Variants in TMEM163 observed in about 807,000 individuals in gnomAD.
The protein encoded by TMEM163 is transmembrane protein 163.
Under a neutral mutation model 29.3 loss-of-function variants are expected in TMEM163, and 17 were observed. The observed-to-expected ratio is 0.58, with a 90% CI of 0.40 to 0.87. TMEM163 has a LOEUF of 0.87. TMEM163 is among the 40% of genes least tolerant of loss of function. The pLI is 0.00. For missense variants in TMEM163, 303 were observed against 381.5 expected, an observed-to-expected ratio of 0.79 and a Z score of 1.71; for synonymous variants, 157 against 160.6, an observed-to-expected ratio of 0.98 and a Z score of 0.17.
At chr2:134,493,241 T>C (rs1403215100) in intron 5 of TMEM163, among the ~76,000 whole-genome samples, 1 of 151,848 alleles carries the variant, frequency 6.6e-6, no homozygotes, top group African/African-American at 2.4e-5. Flanking sequence ...CTTTGTCTGA[T>C]ATATATATAT....
At chr2:134,545,310 A>T (rs1680755527) in intron 4 of TMEM163, among the ~76,000 whole-genome samples, 1 of 151,944 alleles carries the variant, frequency 6.6e-6, no homozygotes, top group African/African-American at 2.4e-5. Flanking sequence ...CTACCCTCCC[A>T]GTCTCCACAT....
At chr2:134,584,653 A>AT (rs201205641) in intron 2 of TMEM163, among the ~76,000 whole-genome samples, 1,712 of 151,874 alleles carry the variant, frequency 0.011, 46 homozygotes, top group African/African-American at 0.039. Flanking sequence ...AAAAAAAAAA[A>AT]AGTACAAAGG....
At chr2:134,706,015 G>A (rs1356628882) in intron 2 of TMEM163, among the ~76,000 whole-genome samples, 2 of 152,178 alleles carry the variant, frequency 1.3e-5, no homozygotes, top group African/African-American at 4.8e-5. Context: ...ATTAAACGCT[G>A]TGTGAAGAAG....
At chr2:134,625,315 T>C (rs1682824484) in intron 2 of TMEM163, among the ~76,000 whole-genome samples, 1 of 152,216 alleles carries the variant, frequency 6.6e-6, no homozygotes, top group Admixed American at 6.5e-5. Flanking sequence ...TACACATGGA[T>C]TGCCAAAGTA....
intron 5 of TMEM163, among the ~76,000 whole-genome samples, chr2:134,476,462 A>G (rs975524258): frequency 1.2e-4 from 18 of 152,232 alleles, no homozygotes; most frequent in African/African-American, 4.3e-4. Flanking sequence ...TATTGTATGT[A>G]CATTATATCT....
At chr2:134,599,924 C>CAT (rs1198206893) in intron 2 of TMEM163, among the ~76,000 whole-genome samples, 2 of 151,028 alleles carry the variant, frequency 1.3e-5, no homozygotes, top group African/African-American at 4.9e-5. Context: ...TACCTACACA[C>CAT]ATATATACAC....
chr2:134,551,060 G>A (rs1382135277), intron 3 of TMEM163, among the ~76,000 whole-genome samples: 1 of 152,198 alleles, frequency 6.6e-6, no homozygotes, highest in East Asian at 1.9e-4. Context: ...ATTCTATCTG[G>A]GGTCCAGGGC....
rs575691702 is a variant in TMEM163 at position 134,541,418 on chromosome 2, A to G, written c.458+9152T>C. Among the ~76,000 whole-genome samples the G allele has an allele frequency of 5.3e-5, 8 of 152,360 alleles. No homozygotes were observed. The South Asian group carries it at 1.4e-3, about 28-fold the overall frequency. ...TGACCTTTTTGGAGCACGGCTCGAC[A>G]CTGGTCGTCAAAATTATGTAAGCAT... On this transcript the variant is annotated intron_variant, in intron 4 of 7. Coordinates refer to ENST00000281924, the MANE Select transcript of TMEM163 (RefSeq NM_030923.5).
intron 2 of TMEM163, among the ~76,000 whole-genome samples, chr2:134,662,016 C>T (rs1683765694): frequency 6.9e-6 from 1 of 145,354 alleles, no homozygotes; most frequent in African/African-American, 2.6e-5. Flanking sequence ...ACTGTAAGCT[C>T]CACCTCCCGG....
chr2:134,456,463 T>TTA lies in TMEM163; in HGVS notation c.*252_*253insTA. 1 of 523,094 alleles carries TTA rather than the reference T, an allele frequency of 1.9e-6. No individual in the cohort carries two copies. The highest frequency in any genetic ancestry group is 3.5e-6 in the Non-Finnish European group (1 of 289,246). 32.4% of individuals were successfully genotyped at this position (523,094 alleles called of 1,614,324 possible). The stretch of plus-strand genomic sequence containing the variant: ...ATGAGAACCATCATACTCCAGAGAC[T>TTA]AAAAAACGCCAGTCCCAGCTGGAGA... On this transcript the variant is annotated 3_prime_UTR_variant, in exon 8 of 8. Coordinates refer to ENST00000281924, the MANE Select transcript of TMEM163 (RefSeq NM_030923.5).
chr2:134,474,817 T>A (rs2106477505), intron 5 of TMEM163, among the ~76,000 whole-genome samples: 1 of 152,274 alleles, frequency 6.6e-6, no homozygotes, highest in South Asian at 2.1e-4. Flanking sequence ...ACCTGTGCAC[T>A]GAAAACTACA....
At chr2:134,521,143 C>T (rs150747549) in intron 4 of TMEM163, among the ~76,000 whole-genome samples, 5,366 of 152,144 alleles carry the variant, frequency 0.035, 344 homozygotes, top group African/African-American at 0.12. Flanking sequence ...GGACTGCAGG[C>T]GCATGCCACC....
At chr2:134,697,118 G>C (rs1432472805) in intron 2 of TMEM163, among the ~76,000 whole-genome samples, 1 of 152,066 alleles carries the variant, frequency 6.6e-6, no homozygotes, top group Non-Finnish European at 1.5e-5. Flanking sequence ...GCTCTATATT[G>C]ACTATAATAT....
At chr2:134,691,959 A>T (rs1467892469) in intron 2 of TMEM163, among the ~76,000 whole-genome samples, 1 of 152,232 alleles carries the variant, frequency 6.6e-6, no homozygotes, top group Non-Finnish European at 1.5e-5. Context: ...ATATCTTTGC[A>T]GATGTGATTA....
At chr2:134,592,873 T>G (rs755039341) in intron 2 of TMEM163, among the ~76,000 whole-genome samples, 4 of 151,836 alleles carry the variant, frequency 2.6e-5, no homozygotes, top group Non-Finnish European at 4.4e-5. Flanking sequence ...AATATAGAGA[T>G]AGATAGATAG....
intron 4 of TMEM163, among the ~76,000 whole-genome samples, chr2:134,524,418 GT>G (rs1680250013): frequency 7.3e-6 from 1 of 137,012 alleles, no homozygotes; most frequent in East Asian, 2.6e-4. Context: ...GGACGTGCAA[GT>G]TTGTTACATA....
intron 5 of TMEM163, among the ~76,000 whole-genome samples, chr2:134,475,997 T>C (rs1686904411): frequency 6.6e-6 from 1 of 152,220 alleles, no homozygotes; most frequent in Non-Finnish European, 1.5e-5. Context: ...AATGAAGGCA[T>C]ACGTCCACAC....
chr2:134,633,430 C>A (rs41496051), intron 2 of TMEM163, among the ~76,000 whole-genome samples: 2,373 of 152,178 alleles, frequency 0.016, 51 homozygotes, highest in African/African-American at 0.054. Flanking sequence ...AGCAGAAACC[C>A]TGAGGCGAGA....
intron 4 of TMEM163, among the ~76,000 whole-genome samples, chr2:134,513,410 T>C (rs1283288911): frequency 6.6e-6 from 1 of 152,148 alleles, no homozygotes; most frequent in Non-Finnish European, 1.5e-5. Flanking sequence ...AAGTAGATTC[T>C]TTCCCCCTCC....
Sources: gnomAD v4.1 joint callset for allele counts (sites outside exome capture counted in the v4.1 genomes callset) on GRCh38, gnomAD v4.1.1 for gene constraint, MANE v1.5 for transcripts, NCBI Gene and HGNC (gene_info 2026-07-23, HGNC 2026-07-21) for gene names.